The following HHAT variants were observed in gnomAD, a reference collection of about 807,000 sequenced individuals.
HHAT encodes the protein protein-cysteine N-palmitoyltransferase HHAT.
HHAT carries 47 observed loss-of-function variants against 70.8 expected under a neutral mutation model. That is an observed-to-expected ratio of 0.66 (90% CI 0.53 to 0.85). The LOEUF is 0.85. Among genes scored for constraint, HHAT ranks in the 40% least tolerant of loss-of-function variants. The probability of loss-of-function intolerance (pLI) is 0.00; values close to 1 mark genes in which losing one functional copy is unlikely to be tolerated. For missense variants in HHAT, 609 were observed against 604.8 expected, an observed-to-expected ratio of 1.01 and a Z score of -0.07; for synonymous variants, 228 against 247.6, an observed-to-expected ratio of 0.92 and a Z score of 0.74.
chr1:210,493,349 G>A (rs2094580956), intron 8 of HHAT, among the ~76,000 whole-genome samples: 1 of 152,162 alleles, frequency 6.6e-6, no homozygotes, highest in African/African-American at 2.4e-5. Context: ...AGCCAGGGAA[G>A]AGTTGATGTT....
At chr1:210,425,726 C>T (rs1026884843) in intron 7 of HHAT, among the ~76,000 whole-genome samples, 7 of 152,086 alleles carry the variant, frequency 4.6e-5, no homozygotes, top group Admixed American at 3.9e-4. Context: ...CAGTATCATG[C>T]TGTTTTGGTT....
intron 8 of HHAT, among the ~76,000 whole-genome samples, chr1:210,485,488 T>G (rs2094460744): frequency 6.6e-6 from 1 of 152,122 alleles, no homozygotes; most frequent in Non-Finnish European, 1.5e-5. Context: ...CACCAGCGAC[T>G]CCTCAGGTCC....
At position 210,336,046 on chromosome 1, in the gene HHAT, T is replaced by C. The variant is rs1284991403; in HGVS notation, c.-44+6942T>C. Among the ~76,000 whole-genome samples, 5 of 152,056 alleles carry C rather than the reference T, an allele frequency of 3.3e-5. No homozygotes were observed. The East Asian group carries it at 9.6e-4, about 29-fold the overall frequency. On this transcript the variant is annotated intron_variant, in intron 1 of 11. Coordinates refer to ENST00000261458, the MANE Select transcript of HHAT (RefSeq NM_018194.6). Reference sequence around the variant, plus strand: ...CAAAACCAGACAACTAAATAAACCATGGTGGTAGAAGTTAGGCTAGTGGTC... The same window carrying C: ...CAAAACCAGACAACTAAATAAACCACGGTGGTAGAAGTTAGGCTAGTGGTC...
At chr1:210,668,358 T>G (rs1679364107) in intron 11 of HHAT, among the ~76,000 whole-genome samples, 1 of 152,222 alleles carries the variant, frequency 6.6e-6, no homozygotes, top group African/African-American at 2.4e-5. Flanking sequence ...TCATTTTGAA[T>G]TATAGCTCCT....
intron 10 of HHAT, among the ~76,000 whole-genome samples, chr1:210,604,307 C>G (rs564912426): frequency 6.7e-6 from 1 of 150,306 alleles, no homozygotes; most frequent in Non-Finnish European, 1.5e-5. Flanking sequence ...AGGATGGTCT[C>G]GATCTCCTGA....
chr1:210,540,573 T>TAA (rs2095420261), intron 9 of HHAT, among the ~76,000 whole-genome samples: 2 of 149,348 alleles, frequency 1.3e-5, no homozygotes, highest in Admixed American at 1.4e-4. Flanking sequence ...ATAGTGTGTA[T>TAA]AAAAATATAT....
At chr1:210,632,174 G>A (rs1265148499) in intron 11 of HHAT, among the ~76,000 whole-genome samples, 1 of 152,182 alleles carries the variant, frequency 6.6e-6, no homozygotes, top group Non-Finnish European at 1.5e-5. Context: ...CGGTTGAATT[G>A]TGCCCAGCTG....
chr1:210,527,441 G>A (rs1191691840), intron 9 of HHAT, among the ~76,000 whole-genome samples: 2 of 152,132 alleles, frequency 1.3e-5, no homozygotes, highest in African/African-American at 2.4e-5. Context: ...GGAGGTTTTC[G>A]AGGACCAAAT....
intron 7 of HHAT, among the ~76,000 whole-genome samples, chr1:210,428,759 T>C (rs1435149116): frequency 7.2e-5 from 11 of 151,752 alleles, no homozygotes; most frequent in Non-Finnish European, 1.5e-5. Flanking sequence ...AGTGGATGGC[T>C]TGAGTCCAGG....
chr1:210,509,954 G>A (rs2094926586), intron 8 of HHAT, among the ~76,000 whole-genome samples: 1 of 152,152 alleles, frequency 6.6e-6, no homozygotes, highest in African/African-American at 2.4e-5. Context: ...TGCATTGGGT[G>A]TCTATACAGA....
At chr1:210,367,873 G>A (rs2089156776) in intron 3 of HHAT, among the ~76,000 whole-genome samples, 1 of 151,988 alleles carries the variant, frequency 6.6e-6, no homozygotes, top group South Asian at 2.1e-4. Flanking sequence ...TTTTTGTAAT[G>A]TTTGCTCTTC....
chr1:210,634,657 C>G (rs1671525124), intron 11 of HHAT, among the ~76,000 whole-genome samples: 1 of 152,158 alleles, frequency 6.6e-6, no homozygotes. Context: ...CAAAATTGTT[C>G]CTGATCTTGT....
At chr1:210,476,496 C>T (rs1158348864) in intron 8 of HHAT, among the ~76,000 whole-genome samples, 1 of 152,154 alleles carries the variant, frequency 6.6e-6, no homozygotes, top group African/African-American at 2.4e-5. Context: ...TCTCACTCAC[C>T]TTACTGGCAA....
chr1:210,374,277 A>C (rs1045548486), intron 3 of HHAT: 3 of 152,194 alleles, frequency 2.0e-5, no homozygotes, highest in African/African-American at 7.2e-5. Flanking sequence ...TAATGCTACA[A>C]ATTAGTTCAA....
intron 7 of HHAT, among the ~76,000 whole-genome samples, chr1:210,418,614 A>G (rs1460960825): frequency 6.6e-6 from 1 of 152,174 alleles, no homozygotes; most frequent in Non-Finnish European, 1.5e-5. Context: ...TTCACAGCGT[A>G]GCCAATATTG....
intron 11 of HHAT, among the ~76,000 whole-genome samples, chr1:210,663,862 G>A (rs1678323254): frequency 6.6e-6 from 1 of 152,188 alleles, no homozygotes; most frequent in Non-Finnish European, 1.5e-5. Context: ...GCTGTTCTGG[G>A]ATTTTCTGCT....
chr1:210,417,789 G>A (rs572747446), intron 6 of HHAT, among the ~76,000 whole-genome samples: 2 of 152,234 alleles, frequency 1.3e-5, no homozygotes, highest in East Asian at 1.9e-4. Context: ...ATTCAGGCAG[G>A]GTGGCACCTG....
chr1:210,462,065 A>C (rs1210879815), intron 7 of HHAT, among the ~76,000 whole-genome samples: 2 of 152,354 alleles, frequency 1.3e-5, no homozygotes, highest in East Asian at 3.9e-4. Flanking sequence ...ACTCATAAAA[A>C]TGTAGACTCA....
intron 1 of HHAT, among the ~76,000 whole-genome samples, chr1:210,331,145 A>G (rs2084945319): frequency 6.6e-6 from 1 of 152,016 alleles, no homozygotes; most frequent in Non-Finnish European, 1.5e-5. Context: ...TTTATTGTGG[A>G]CTTTATTTCT....
Sources: allele counts gnomAD v4.1 joint callset (sites outside exome capture counted in the v4.1 genomes callset), GRCh38; gene constraint gnomAD v4.1.1; transcripts MANE v1.5; gene names NCBI Gene and HGNC (gene_info 2026-07-23, HGNC 2026-07-21).